The following RANBP2 variants were observed in gnomAD, a reference collection of about 807,000 sequenced individuals.
The protein encoded by RANBP2 is RAN binding protein 2, also known as E3 SUMO-protein ligase RanBP2.
RANBP2 carries 57 observed loss-of-function variants against 303.6 expected under a neutral mutation model. The ratio of observed to expected loss-of-function variants is 0.19; its 90% confidence interval spans 0.15 to 0.23. The LOEUF (loss-of-function observed/expected upper bound fraction) is 0.23, where lower values mean the gene tolerates loss of function less well. Among genes scored for constraint, RANBP2 ranks in the 10% least tolerant of loss-of-function variants. The pLI, the probability that RANBP2 is intolerant of heterozygous loss-of-function variation, is 1.00. For missense variants in RANBP2, 3,138 were observed against 3,780.8 expected, an observed-to-expected ratio of 0.83 and a Z score of 4.46; for synonymous variants, 1,167 against 1,301.5, an observed-to-expected ratio of 0.90 and a Z score of 2.23.
the RANBP2 span, chr2:108,878,299 T>C: frequency 1.2e-5 from 2 of 173,332 alleles, no homozygotes; most frequent in Non-Finnish European, 2.5e-5. Context: ...GTTGACTCCA[T>C]TTCTCACCCT....
the RANBP2 span, among the ~76,000 whole-genome samples, chr2:108,799,472 A>C: frequency 6.6e-6 from 1 of 152,232 alleles, no homozygotes; most frequent in African/African-American, 2.4e-5. Flanking sequence ...CTCCAGCCTC[A>C]GCCCTTGGCA....
Position 108,758,960 on chromosome 2 carries a change from G to T in RANBP2, c.2602+412G>T, listed in dbSNP as rs893737105. On this transcript the variant is annotated intron_variant, in intron 18 of 28. Coordinates refer to ENST00000283195, the MANE Select transcript of RANBP2 (RefSeq NM_006267.5). Reference sequence around the variant, plus strand: ...ATCTTACTTAATTTGAAATATTATGGTTATATAAAGAAAGAAAAGGAGTTT... The same window carrying T: ...ATCTTACTTAATTTGAAATATTATGTTTATATAAAGAAAGAAAAGGAGTTT... Among the ~76,000 whole-genome samples, 247 of 148,280 alleles carry T rather than the reference G, an allele frequency of 1.7e-3. 4 individuals carry two copies. Among genetic ancestry groups the T allele is most frequent in the Non-Finnish European group, 1.4e-3 (95 of 67,030 alleles).
the RANBP2 span, among the ~76,000 whole-genome samples, chr2:109,492,521 C>T: frequency 6.6e-6 from 1 of 152,180 alleles, no homozygotes. Context: ...GCTACGCATG[C>T]CCAGGACAGC....
At chr2:109,020,389 A>G in the RANBP2 span, among the ~76,000 whole-genome samples, 1 of 152,200 alleles carries the variant, frequency 6.6e-6, no homozygotes, top group Non-Finnish European at 1.5e-5. Context: ...AATTACGTAT[A>G]ACAGCCTCTC....
chr2:109,528,790 C>T, the RANBP2 span, among the ~76,000 whole-genome samples: 1 of 152,100 alleles, frequency 6.6e-6, no homozygotes, highest in African/African-American at 2.4e-5. Context: ...TGCCAATCAG[C>T]CCATCTTGAG....
At chr2:108,954,658 G>A in the RANBP2 span, among the ~76,000 whole-genome samples, 1 of 151,968 alleles carries the variant, frequency 6.6e-6, no homozygotes, top group Non-Finnish European at 1.5e-5. Flanking sequence ...TATTCAAGCA[G>A]CTGTCACTGG....
the RANBP2 span, chr2:108,873,537 C>A: frequency 2.5e-6 from 4 of 1,611,838 alleles, no homozygotes; most frequent in Non-Finnish European, 3.4e-6. Flanking sequence ...TAAGCTTGAT[C>A]TTCAAATACT....
chr2:109,355,950 G>A, the RANBP2 span, among the ~76,000 whole-genome samples: 1 of 152,282 alleles, frequency 6.6e-6, no homozygotes, highest in African/African-American at 2.4e-5. Flanking sequence ...ATGAAAAGTT[G>A]CCATTGTTTC....
the RANBP2 span, among the ~76,000 whole-genome samples, chr2:109,030,443 T>C: frequency 6.6e-6 from 1 of 152,166 alleles, no homozygotes; most frequent in Non-Finnish European, 1.5e-5. Context: ...CCCTGCCAAA[T>C]GTGATAATGT....
At chr2:108,969,879 T>C in the RANBP2 span, among the ~76,000 whole-genome samples, 1 of 152,184 alleles carries the variant, frequency 6.6e-6, no homozygotes, top group Non-Finnish European at 1.5e-5. Context: ...GGTGAAAGAA[T>C]CACTGAGTTA....
the RANBP2 span, among the ~76,000 whole-genome samples, chr2:108,815,006 T>TA: frequency 8.5e-5 from 13 of 152,156 alleles, no homozygotes; most frequent in Non-Finnish European, 1.2e-4. Context: ...GGTATCTTAT[T>TA]AAAAAAAATT....
the RANBP2 span, chr2:108,813,074 C>A: frequency 1.8e-6 from 1 of 566,320 alleles, no homozygotes; most frequent in Non-Finnish European, 3.1e-6. Flanking sequence ...ATGGTGAAAC[C>A]CCGTTTCTAC....
At chr2:108,806,136 T>C in the RANBP2 span, among the ~76,000 whole-genome samples, 1 of 152,220 alleles carries the variant, frequency 6.6e-6, no homozygotes. Context: ...GATCTAATTC[T>C]TTAGCTTCCT....
the RANBP2 span, among the ~76,000 whole-genome samples, chr2:109,031,544 C>G: frequency 6.6e-6 from 1 of 152,248 alleles, no homozygotes; most frequent in Non-Finnish European, 1.5e-5. Flanking sequence ...CGCCGGGCTG[C>G]ACCGAGTCCG....
At chr2:108,793,415 C>A in the RANBP2 span, among the ~76,000 whole-genome samples, 1 of 152,030 alleles carries the variant, frequency 6.6e-6, no homozygotes, top group African/African-American at 2.4e-5. Flanking sequence ...TAAATTCTGA[C>A]AGTATAGTGC....
the RANBP2 span, among the ~76,000 whole-genome samples, chr2:109,122,154 G>A: frequency 6.6e-6 from 1 of 152,202 alleles, no homozygotes; most frequent in Non-Finnish European, 1.5e-5. Context: ...CGCTTTTGTT[G>A]AAAGAAATTT....
chr2:109,312,101 C>A, the RANBP2 span, among the ~76,000 whole-genome samples: 1 of 152,166 alleles, frequency 6.6e-6, no homozygotes, highest in South Asian at 2.1e-4. Context: ...TTTCCTTTAG[C>A]ATTGTTAGTT....
the RANBP2 span, among the ~76,000 whole-genome samples, chr2:108,965,459 C>T: frequency 0.043 from 2,695 of 62,358 alleles, 72 homozygotes; most frequent in African/African-American, 0.12. Flanking sequence ...AGCGAGATTT[C>T]GTCTCAAAAA....
chr2:109,655,290 C>T, the RANBP2 span, among the ~76,000 whole-genome samples: 1 of 152,290 alleles, frequency 6.6e-6, no homozygotes, highest in East Asian at 1.9e-4. Flanking sequence ...AACCACAGTT[C>T]TTTGGAACTG....
Sources: allele counts gnomAD v4.1 joint callset (sites outside exome capture counted in the v4.1 genomes callset), GRCh38; gene constraint gnomAD v4.1.1; transcripts MANE v1.5; gene names NCBI Gene and HGNC (gene_info 2026-07-23, HGNC 2026-07-21).